Variants in LRBA observed in about 807,000 individuals in gnomAD.
LRBA encodes the protein LPS responsive beige-like anchor protein.
A neutral mutation model predicts 330.0 loss-of-function variants in LRBA; 176 were observed. The ratio of observed to expected loss-of-function variants is 0.53; its 90% CI spans 0.47 to 0.60. The LOEUF is 0.60. LRBA is among the 20% of genes least tolerant of loss of function. The pLI, the probability that LRBA is intolerant of heterozygous loss-of-function variation, is 0.00. For missense variants in LRBA, 3,259 were observed against 3,444.8 expected (o/e 0.95, Z 1.35); for synonymous variants, 1,230 against 1,193.0 (o/e 1.03, Z -0.64).
At chr4:150,607,089 A>G (rs1449971396) in intron 37 of LRBA, among the ~76,000 whole-genome samples, 1 of 152,248 alleles carries the variant, frequency 6.6e-6, no homozygotes, top group East Asian at 1.9e-4. Context: ...AAGTTTTGGT[A>G]AGAAATCACA....
Position 150,867,226 on chromosome 4 carries a change from G to A in LRBA, c.2766+445C>T, listed in dbSNP as rs528611471. Among the ~76,000 whole-genome samples the A allele has an allele frequency of 6.6e-5, 10 of 151,048 alleles. No homozygotes were observed. In the East Asian group the frequency reaches 1.8e-3, roughly 26 times the overall value. ...TTTTCTGTTTACTCATCCACCTTAC[G>A]TTGCTAAAACAACTGTTCATCTTTG... On this transcript the variant is annotated intron_variant, in intron 22 of 56. Transcript: ENST00000651943.
intron 40 of LRBA, among the ~76,000 whole-genome samples, chr4:150,494,577 T>A (rs1433538238): frequency 6.6e-6 from 1 of 152,252 alleles, no homozygotes; most frequent in Admixed American, 6.5e-5. Context: ...TGAAATAGTT[T>A]TCTGATTAAA....
chr4:150,851,772 A>T, intron 23 of LRBA, 113 bp downstream of exon 23: 1 of 1,047,530 alleles, frequency 9.5e-7, no homozygotes, highest in Non-Finnish European at 1.3e-6. Context: ...GCATTTATTT[A>T]GTTGTGAATA....
intron 31 of LRBA, among the ~76,000 whole-genome samples, chr4:150,810,774 A>AT (rs913825879): frequency 4.0e-5 from 6 of 151,232 alleles, no homozygotes; most frequent in Admixed American, 3.3e-4. Context: ...GCTATTTTCT[A>AT]TTTTTTTTGT....
chr4:150,318,711 G>A (rs938824931), intron 50 of LRBA, among the ~76,000 whole-genome samples: 24 of 152,186 alleles, frequency 1.6e-4, no homozygotes, highest in African/African-American at 5.5e-4. Context: ...ATATGTTATC[G>A]CTTTTTGTAT....
intron 47 of LRBA, among the ~76,000 whole-genome samples, chr4:150,385,269 C>T (rs1467556498): frequency 6.6e-6 from 1 of 152,064 alleles, no homozygotes; most frequent in Non-Finnish European, 1.5e-5. Context: ...CTTCACAACT[C>T]TTTATGTAAA....
chr4:150,871,445 G>T lies in LRBA; in HGVS notation c.2267C>A (p.Ala756Glu). The change falls in exon 19 of 57, where the codon GCA becomes GAA. Residue 756 changes from alanine (A) to glutamate (E), a missense_variant. Coordinates refer to ENST00000651943, the MANE Select transcript of LRBA (RefSeq NM_001364905.1). ...FLKHLAPKRK[A>E]EVMLGHGLFS... is the part of the protein sequence containing the mutation. ...CAATCCATGTCCAAGCATGACTTCT[G>T]CTTTCCTCCTGCAATTACACAAAAA... 6.3e-7 allele frequency: 1 copy of T among 1,599,168 alleles called. No individual in the cohort carries two copies. Among genetic ancestry groups the T allele is most frequent in the Non-Finnish European group, 8.6e-7 (1 of 1,167,028 alleles).
At chr4:150,552,711 G>A (rs112050352) in intron 40 of LRBA, among the ~76,000 whole-genome samples, 3,790 of 152,126 alleles carry the variant, frequency 0.025, 146 homozygotes, top group African/African-American at 0.082. Flanking sequence ...TGTTTACTGC[G>A]GCACTACTCA....
intron 53 of LRBA, among the ~76,000 whole-genome samples, chr4:150,289,357 A>T (rs542073444): frequency 6.6e-6 from 1 of 152,214 alleles, no homozygotes; most frequent in Non-Finnish European, 1.5e-5. Context: ...TCTCTAAATA[A>T]GGAACTATTC....
chr4:150,620,591 G>A (rs1251064283), intron 37 of LRBA, among the ~76,000 whole-genome samples: 2 of 152,258 alleles, frequency 1.3e-5, no homozygotes, highest in Admixed American at 6.5e-5. Context: ...TAAAGAAAAT[G>A]TGGTATGTAT....
At chr4:150,272,696 A>C (rs1746276233) in intron 56 of LRBA, among the ~76,000 whole-genome samples, 1 of 151,880 alleles carries the variant, frequency 6.6e-6, no homozygotes, top group South Asian at 2.1e-4. Context: ...AAATCGATCA[A>C]GCAGAAGAAA....
intron 35 of LRBA, among the ~76,000 whole-genome samples, chr4:150,736,512 A>C (rs931542530): frequency 6.6e-6 from 1 of 152,252 alleles, no homozygotes; most frequent in Middle Eastern, 3.4e-3. Flanking sequence ...AAAAAGGAAA[A>C]ATTTACTGAA....
At chr4:150,615,977 G>A (rs757563357) in intron 37 of LRBA, among the ~76,000 whole-genome samples, 2 of 152,162 alleles carry the variant, frequency 1.3e-5, no homozygotes, top group Non-Finnish European at 2.9e-5. Context: ...GGAGCTATAA[G>A]ATGAAGGAAA....
chr4:150,589,091 G>A (rs975515765), intron 39 of LRBA, among the ~76,000 whole-genome samples: 9 of 145,118 alleles, frequency 6.2e-5, no homozygotes, highest in Admixed American at 2.0e-4. Context: ...AGAGATCGAC[G>A]TAGAAAGAAT....
intron 55 of LRBA, among the ~76,000 whole-genome samples, chr4:150,281,958 A>G (rs1189827746): frequency 6.6e-6 from 1 of 152,212 alleles, no homozygotes; most frequent in Admixed American, 6.5e-5. Flanking sequence ...CAGCTTCTTT[A>G]ACATGTTTTT....
chr4:150,423,562 G>T, intron 46 of LRBA: 2 of 383,344 alleles, frequency 5.2e-6, no homozygotes, highest in South Asian at 2.6e-5. Flanking sequence ...TCTTACTGTT[G>T]CTCCCTGTCT....
Position 150,424,614 on chromosome 4 carries a change from C to T in LRBA, c.7042-9024G>A, listed in dbSNP as rs376244935. On this transcript the variant is annotated intron_variant, in intron 46 of 56. Transcript: ENST00000651943. ...GCCATCCCATAGCAGGGAGCACGTG[C>T]GCGCGTGCACACACGCACACACACA... 3.3e-5 allele frequency among the ~76,000 whole-genome samples: 5 copies of T among 150,940 alleles called. No individual in the cohort carries two copies. The East Asian group carries it at 5.8e-4, about 18-fold the overall frequency.
At chr4:150,729,180 T>C (rs138217166) in intron 36 of LRBA, among the ~76,000 whole-genome samples, 3 of 152,110 alleles carry the variant, frequency 2.0e-5, no homozygotes, top group Admixed American at 2.0e-4. Flanking sequence ...TAGCCGGACA[T>C]AGTGGCACAT....
chr4:150,525,962 A>G (rs1377036033), intron 40 of LRBA, among the ~76,000 whole-genome samples: 2 of 152,142 alleles, frequency 1.3e-5, no homozygotes, highest in African/African-American at 4.8e-5. Context: ...ACCGAGACCA[A>G]TCCTCACAGG....
Sources: gnomAD v4.1 joint callset for allele counts (sites outside exome capture counted in the v4.1 genomes callset) on GRCh38, gnomAD v4.1.1 for gene constraint, MANE v1.5 for transcripts, NCBI Gene and HGNC (gene_info 2026-07-23, HGNC 2026-07-21) for gene names.